The following CHTF18 variants were observed in gnomAD, a reference collection of about 807,000 sequenced individuals.
The protein encoded by CHTF18 is chromosome transmission fidelity protein 18 homolog.
CHTF18 carries 151 observed loss-of-function variants against 113.4 expected under a neutral mutation model. The ratio of observed to expected loss-of-function variants is 1.33; its 90% confidence interval spans 1.17 to 1.52. The LOEUF (loss-of-function observed/expected upper bound fraction) is 1.52, where lower values mean the gene tolerates loss of function less well. Among genes scored for constraint, CHTF18 ranks in the 40% most tolerant of loss-of-function variants. The probability of loss-of-function intolerance (pLI) is 0.00; values close to 1 mark genes in which losing one functional copy is unlikely to be tolerated. For synonymous variants in CHTF18, 916 were observed against 598.8 expected (o/e 1.53, Z -7.74); for missense variants, 1,982 against 1,381.6 (o/e 1.43, Z -6.89).
Position 796,726 on chromosome 16 carries a change from G to A in CHTF18, c.2466G>A (p.Glu822=), listed in dbSNP as rs568336401. The A allele has an allele frequency of 1.2e-6, 2 of 1,601,084 alleles. No homozygotes were observed. Among genetic ancestry groups the A allele is most frequent in the South Asian group, 1.1e-5 (1 of 90,970 alleles). ...QYIYRLEPNV[E]ELCRFPELPA... is the part of the protein sequence containing the mutation. ...CCCCTGTGCTGAGCAGGAACGTGGA[G>A]GAACTCTGCCGCTTCCCTGAGCTGC... Residue 822 remains glutamate, a synonymous_variant, in exon 19 of 22, where the codon GAG becomes GAA. Transcript: ENST00000262315.
rs772488625 is a variant in CHTF18, at chr16:789,610, C to T, written c.501C>T (p.Val167=). 1 of 1,608,660 alleles carries T rather than the reference C, an allele frequency of 6.2e-7. No homozygotes were observed. Among genetic ancestry groups the T allele is most frequent in the South Asian group, 1.1e-5 (1 of 90,930 alleles). The change falls in exon 4 of 22, where the codon GTC becomes GTT. Residue 167 remains valine, a synonymous_variant. Transcript: ENST00000262315. ...TRASPAARNP[V]LRRPPILEDY... is the part of the protein sequence containing the mutation. ...CCTCACCAGCTGCCCGCAATCCCGT[C>T]CTGAGGCGGCCCCCCATCTTGGAGG...
In CHTF18 at chr16:789,032, C is replaced by G. The variant is rs746431002; in HGVS notation, c.193C>G (p.Pro65Ala). ...ALARGDAASSPAPAASVGSSQ... is the reference protein window; with the variant it reads ...ALARGDAASSAAPAASVGSSQ... The stretch of plus-strand genomic sequence containing the variant: ...TGCCAGAGGGGACGCGGCCTCCAGT[C>G]CCGCCCCAGCCGCATCTGTGGGCAG... The change falls in exon 2 of 22, where the codon CCC becomes GCC. Residue 65 changes from proline (P) to alanine (A), a missense_variant. Transcript: ENST00000262315. 1 of 1,536,766 alleles carries G rather than the reference C, an allele frequency of 6.5e-7. No individual in the cohort carries two copies. The highest frequency in any genetic ancestry group is 2.5e-5 in the East Asian group (1 of 40,810).
chr16:793,777 G>A (rs1044550652), intron 14 of CHTF18: 2 of 664,334 alleles, frequency 3.0e-6, no homozygotes, highest in African/African-American at 1.8e-5. Flanking sequence ...CTCCTGGCCT[G>A]GACCCGGAGG....
chr16:792,512 T>G lies in CHTF18; in HGVS notation c.1400T>G (p.Val467Gly). 3 of 1,592,486 alleles carry G rather than the reference T, an allele frequency of 1.9e-6. No homozygotes were observed. Among genetic ancestry groups the G allele is most frequent in the Non-Finnish European group, 1.7e-6 (2 of 1,172,872 alleles). The part of the protein sequence containing the change: ...PQEVGPQGPA[V>G]PSGGGRRRRA... The stretch of plus-strand genomic sequence containing the variant: ...GAGGTGGGGCCACAGGGCCCGGCTG[T>G]GCCTTCGGGAGGCGGCCGACGGCGC... Residue 467 changes from valine to glycine, a missense_variant, in exon 11 of 22, where the codon GTG (valine) becomes GGG (glycine). Transcript: ENST00000262315.
In CHTF18 at chr16:795,342, A is replaced by G; in HGVS notation, c.2161A>G (p.Ser721Gly). ...SSHTPRITFPSSQQEAQNRMS... is the reference protein window; with the variant it reads ...SSHTPRITFPGSQQEAQNRMS... ...CCACACACCCAGGATCACCTTCCCC[A>G]GCAGCCAGCAGGAGGTGTGCTCGTC... The change falls in exon 16 of 22, where the codon AGC becomes GGC. Residue 721 changes from serine (S) to glycine (G), a missense_variant. Transcript: ENST00000262315. 1 of 1,544,974 alleles carries G rather than the reference A, an allele frequency of 6.5e-7. No individual in the cohort carries two copies. Among genetic ancestry groups the G allele is most frequent in the African/African-American group, 1.4e-5 (1 of 71,644 alleles).
chr16:793,247 A>T lies in CHTF18; in HGVS notation c.1775A>T (p.Glu592Val), dbSNP rs200888039. The change falls in exon 14 of 22, where the codon GAG (glutamate) becomes GTG (valine). Residue 592 changes from glutamate (E) to valine (V), a missense_variant. Physicochemically the swap from Glu to Val is moderately radical, Grantham distance 121. Transcript: ENST00000262315. ...QRRGLFSVWQ[E>V]VFQLPRAQRR... is the part of the protein sequence containing the mutation. ...AGAGGGCTCTTCTCGGTGTGGCAGG[A>T]GGTCTTCCAGCTGCCTCGAGCCCAG... 2 of 1,605,588 alleles carry T rather than the reference A, an allele frequency of 1.2e-6. No individual in the cohort carries two copies. Among genetic ancestry groups the T allele is most frequent in the African/African-American group, 1.3e-5 (1 of 74,766 alleles).
rs867913572 is a variant in CHTF18 at position 792,261 on chromosome 16, G to A, written c.1240G>A (p.Glu414Lys). The A allele has an allele frequency of 3.8e-6, 6 of 1,564,972 alleles. No homozygotes were observed. The highest frequency in any genetic ancestry group is 8.7e-7 in the Non-Finnish European group (1 of 1,155,860). Reference protein sequence around the residue: ...RSPEVFRTRIEAATQMESVLG... With the variant: ...RSPEVFRTRIKAATQMESVLG... ...CCCGGAGGTCTTCCGCACACGCATC[G>A]AGGCGGCCACCCAGATGGAGTCGGT... The change falls in exon 10 of 22, where the codon GAG becomes AAG. Residue 414 changes from glutamate to lysine, a missense_variant. Glu to Lys is a moderately conservative substitution (Grantham distance 56). Coordinates refer to ENST00000262315, the MANE Select transcript of CHTF18 (RefSeq NM_022092.3).
At position 795,720 on chromosome 16, in the gene CHTF18, C is replaced by T; in HGVS notation, c.2211C>T (p.Ile737=). ...GGATGAGCCAGATGAGGAACCTGATCCAGACGCTGGTGTCCGGCATCGCGC... is the reference window on the plus strand; with the variant it reads ...GGATGAGCCAGATGAGGAACCTGATTCAGACGCTGGTGTCCGGCATCGCGC... ...QNRMSQMRNL[I]QTLVSGIAPA... Residue 737 remains isoleucine, a synonymous_variant, in exon 17 of 22, where the codon ATC becomes ATT. Transcript: ENST00000262315. The T allele has an allele frequency of 2.5e-6, 4 of 1,606,442 alleles. No individual in the cohort carries two copies. Among genetic ancestry groups the T allele is most frequent in the South Asian group, 1.1e-5 (1 of 90,500 alleles).
In CHTF18 at chr16:793,309, A is replaced by C. The variant is rs1362964585; in HGVS notation, c.1802+35A>C. The stretch of plus-strand genomic sequence containing the variant: ...GGCCACAGCCTCGGCCCAGATGCTC[A>C]CGGTGCCCGGACCTCAGGACGCTAG... On this transcript the variant is annotated intron_variant, in intron 14 of 21. Transcript: ENST00000262315. 1.9e-6 allele frequency: 3 copies of C among 1,600,730 alleles called. No individual in the cohort carries two copies. In the African/African-American group the frequency reaches 4.0e-5, roughly 21 times the overall value.
intron 14 of CHTF18, chr16:793,723 T>TG: frequency 1.5e-6 from 1 of 646,110 alleles, no homozygotes; most frequent in Non-Finnish European, 2.9e-6. Flanking sequence ...CTGGTCGTGC[T>TG]GCAGGATATG....
At position 796,976 on chromosome 16, in the gene CHTF18, C is replaced by T. The variant is rs372983644; in HGVS notation, c.2617C>T (p.Pro873Ser). The T allele has an allele frequency of 3.3e-5, 51 of 1,528,156 alleles. No individual in the cohort carries two copies. In the African/African-American group the frequency reaches 3.6e-4, roughly 11 times the overall value. 94.7% of individuals were successfully genotyped at this position (1,528,156 alleles called of 1,614,324 possible). The change falls in exon 20 of 22, where the codon CCA (proline) becomes TCA (serine). Residue 873 changes from proline to serine, a missense_variant. Transcript: ENST00000262315. ...ENSPQVDGSP[P>S]GLEGLLGGIG... ...CTCCCTACAGGTGGATGGGAGCCCC[C>T]CAGGGCTCGAGGGTCTGCTGGGGGG...
chr16:790,582 G>C lies in CHTF18; in HGVS notation c.810G>C (p.Pro270=). The C allele has an allele frequency of 1.3e-6, 2 of 1,596,562 alleles. No individual in the cohort carries two copies. Among genetic ancestry groups the C allele is most frequent in the South Asian group, 1.1e-5 (1 of 88,402 alleles). Residue 270 remains proline (P), a synonymous_variant, in exon 7 of 22, where the codon CCG becomes CCC. Transcript: ENST00000262315. ...AQPLGAPEEE[P]TDGQDASSHC... ...CCTTGGGGGCCCCTGAGGAGGAGCC[G>C]ACTGACGGTCAAGACGCCTCCAGTC...
At chr16:791,576 G>T in intron 8 of CHTF18, 4 of 1,433,270 alleles carry the variant, frequency 2.8e-6, no homozygotes, top group Non-Finnish European at 3.6e-6. Context: ...CTCTGCGGCT[G>T]GCCAGGATGA....
At chr16:791,696 T>C (rs996372129) in intron 8 of CHTF18, 155 bp from the exon 9 acceptor site, 12 of 1,430,324 alleles carry the variant, frequency 8.4e-6, no homozygotes, top group African/African-American at 7.2e-5. Context: ...GCCATCTTGG[T>C]GTGTGAAAGT....
chr16:788,826 T>G, intron 1 of CHTF18, 51 bp downstream of exon 1: 1 of 1,554,310 alleles, frequency 6.4e-7, no homozygotes, highest in Non-Finnish European at 8.7e-7. Context: ...GCCGGGACAG[T>G]GGCGACCTCG....
Position 792,756 on chromosome 16 carries a change from T to G in CHTF18, c.1517T>G (p.Phe506Cys). 6.4e-7 allele frequency: 1 copy of G among 1,551,514 alleles called. No individual in the cohort carries two copies. Among genetic ancestry groups the G allele is most frequent in the Non-Finnish European group, 8.7e-7 (1 of 1,152,834 alleles). ...CTGCGGCAGCTGAAGCAGCAGGCCTTCCTGCTCCACTTCCCGCCGACTCTG... is the reference window on the plus strand; with the variant it reads ...CTGCGGCAGCTGAAGCAGCAGGCCTGCCTGCTCCACTTCCCGCCGACTCTG... Reference protein sequence around the residue: ...PSLRQLKQQAFLLHFPPTLPS... With the variant: ...PSLRQLKQQACLLHFPPTLPS... The change falls in exon 12 of 22, where the codon TTC becomes TGC. Residue 506 changes from phenylalanine to cysteine, a missense_variant. Transcript: ENST00000262315.
At chr16:791,977 C>A in intron 9 of CHTF18, 29 bp downstream of exon 9, 2 of 1,584,710 alleles carry the variant, frequency 1.3e-6, no homozygotes, top group East Asian at 2.3e-5. Flanking sequence ...GTCTCTGGCT[C>A]GCCTTCTGTC....
rs753082068 is a variant in CHTF18 at position 789,417 on chromosome 16, G to C, written c.437+57G>C. 7.0e-5 allele frequency: 108 copies of C among 1,534,704 alleles called. 1 individual carries two copies. In the Middle Eastern group the frequency reaches 3.5e-3, roughly 50 times the overall value. On this transcript the variant is annotated intron_variant, in intron 3 of 21. Transcript: ENST00000262315. Reference sequence around the variant, plus strand: ...ATCTGTCCAGTGGGACTCAGATGGAGCCCATCCCGTGCCCTGGATGAGGCC... The same window carrying C: ...ATCTGTCCAGTGGGACTCAGATGGACCCCATCCCGTGCCCTGGATGAGGCC...
rs1011078690 is a variant in CHTF18 at position 792,483 on chromosome 16, A to G, written c.1371A>G (p.Pro457=). ...VLLSILNRKG[P]QEVGPQGPAV... Reference sequence around the variant, plus strand: ...TGAGCATCCTGAACCGCAAGGGGCCACAGGAGGTGGGGCCACAGGGCCCGG... The same window carrying G: ...TGAGCATCCTGAACCGCAAGGGGCCGCAGGAGGTGGGGCCACAGGGCCCGG... Residue 457 remains proline, a synonymous_variant, in exon 11 of 22, where the codon CCA becomes CCG. Transcript: ENST00000262315. The G allele has an allele frequency of 3.8e-6, 6 of 1,589,070 alleles. No homozygotes were observed. Among genetic ancestry groups the G allele is most frequent in the South Asian group, 3.4e-5 (3 of 88,328 alleles).
Sources: allele counts gnomAD v4.1 joint callset, GRCh38; gene constraint gnomAD v4.1.1; transcripts MANE v1.5; gene names NCBI Gene and HGNC (gene_info 2026-07-23, HGNC 2026-07-21).